The following XKR6 variants were observed in gnomAD, a reference collection of about 807,000 sequenced individuals.
XKR6 encodes XK related 6.
XKR6 carries 22 observed loss-of-function variants against 56.7 expected under a neutral mutation model. The observed-to-expected ratio is 0.39, with a 90% CI of 0.28 to 0.55. The LOEUF (loss-of-function observed/expected upper bound fraction) is 0.55. Ranked by LOEUF, XKR6 falls within the 20% of genes least tolerant of loss-of-function variation. XKR6 has a pLI of 0.66. For synonymous variants in XKR6, 524 were observed against 387.8 expected, an observed-to-expected ratio of 1.35 and a Z score of -4.13; for missense variants, 852 against 889.0, an observed-to-expected ratio of 0.96 and a Z score of 0.53.
chr8:11,140,239 T>C (rs1241766339), intron 1 of XKR6, among the ~76,000 whole-genome samples: 1 of 151,140 alleles, frequency 6.6e-6, no homozygotes, highest in African/African-American at 2.4e-5. Context: ...AAAGCAACAA[T>C]GAAGCAATGG....
intron 1 of XKR6, among the ~76,000 whole-genome samples, chr8:10,956,308 C>T (rs987197029): frequency 8.3e-6 from 1 of 121,022 alleles, no homozygotes; most frequent in Admixed American, 9.1e-5. Context: ...TTACTTTCTG[C>T]CCATCTGAAA....
At chr8:11,097,109 C>A (rs1238169935) in intron 1 of XKR6, among the ~76,000 whole-genome samples, 1 of 152,172 alleles carries the variant, frequency 6.6e-6, no homozygotes, top group African/African-American at 2.4e-5. Context: ...GTAAGTTTGT[C>A]ATCAGCAACA....
At chr8:11,059,512 G>A (rs962727924) in intron 1 of XKR6, among the ~76,000 whole-genome samples, 2 of 151,944 alleles carry the variant, frequency 1.3e-5, no homozygotes, top group Non-Finnish European at 2.9e-5. Flanking sequence ...CTGCGCGGGC[G>A]GCGCCGCTCC....
At chr8:10,977,237 T>G (rs1390426362) in intron 1 of XKR6, among the ~76,000 whole-genome samples, 1 of 151,940 alleles carries the variant, frequency 6.6e-6, no homozygotes, top group Non-Finnish European at 1.5e-5. Context: ...CCAGGAGGGG[T>G]GGCCTGCCTG....
In XKR6 at chr8:10,943,996, C is replaced by G. The variant is rs1586335216; in HGVS notation, c.765-19166G>C. 2.6e-5 allele frequency among the ~76,000 whole-genome samples: 4 copies of G among 152,238 alleles called. No homozygotes were observed. In the South Asian group the frequency reaches 8.3e-4, roughly 32 times the overall value. On this transcript the variant is annotated intron_variant, in intron 1 of 2. Coordinates refer to ENST00000416569, the MANE Select transcript of XKR6 (RefSeq NM_173683.4). ...GTTTCCCACCCCTGGAGGCCTCTCT[C>G]CTCCAATATCCGAGCTCTCCTTACC...
chr8:11,013,389 T>C (rs1798543719), intron 1 of XKR6, among the ~76,000 whole-genome samples: 1 of 152,168 alleles, frequency 6.6e-6, no homozygotes, highest in African/African-American at 2.4e-5. Context: ...ACATGAACCC[T>C]GAGGGCCACA....
chr8:11,195,316 G>A lies in XKR6; in HGVS notation c.764+5260C>T, dbSNP rs1230311966. On this transcript the variant is annotated intron_variant, in intron 1 of 2. Transcript: ENST00000416569. Reference sequence around the variant, plus strand: ...TCTTTTAGCATTTCTGTTTACCTAAGGTAGAGATTCATTTTTTTTTCCAAA... The same window carrying A: ...TCTTTTAGCATTTCTGTTTACCTAAAGTAGAGATTCATTTTTTTTTCCAAA... 4 of 601,092 alleles carry A rather than the reference G, an allele frequency of 6.7e-6. No individual in the cohort carries two copies. The Admixed American group carries it at 9.2e-5, about 14-fold the overall frequency. 37.2% of individuals were successfully genotyped at this position (601,092 alleles called of 1,614,324 possible).
chr8:11,128,496 T>C (rs972164771), intron 1 of XKR6, among the ~76,000 whole-genome samples: 17 of 152,202 alleles, frequency 1.1e-4, no homozygotes, highest in African/African-American at 3.9e-4. Flanking sequence ...AAATGCCTGA[T>C]CTTCCGAATG....
intron 1 of XKR6, among the ~76,000 whole-genome samples, chr8:11,159,389 T>C (rs559758704): frequency 1.3e-5 from 2 of 152,334 alleles, no homozygotes; most frequent in East Asian, 3.9e-4. Context: ...ATGCAGTCTG[T>C]TACGACAGCT....
rs779091217 is a variant in XKR6 at position 11,200,796 on chromosome 8, G to T, written c.544C>A (p.Arg182Ser). 1 of 1,610,488 alleles carries T rather than the reference G, an allele frequency of 6.2e-7. No individual in the cohort carries two copies. The highest frequency in any genetic ancestry group is 1.7e-5 in the Admixed American group (1 of 59,844). The change falls in exon 1 of 3, where the codon CGC becomes AGC. Residue 182 changes from arginine to serine, a missense_variant. By Grantham distance (110) the Arg-to-Ser change is moderately radical. This residue lies in a region of XKR6 where 417 missense variants were observed against 355.2 expected (regional missense o/e 1.17). Transcript: ENST00000416569. This position sits in a 1 kb window ranked among gnomAD's most constrained non-coding sequence, Gnocchi z 6.4. Reference protein sequence around the residue: ...PSLLVQSLSFRWFVQDYTGGG... With the variant: ...PSLLVQSLSFSWFVQDYTGGG... ...CCCGTGTAGTCCTGCACGAACCAGC[G>T]GAAGCTCAGGCTCTGCACCAGCAGC...
In XKR6 at chr8:11,201,035, C is replaced by T. The variant is rs1804197169; in HGVS notation, c.305G>A (p.Gly102Asp). Residue 102 changes from glycine to aspartate, a missense_variant, in exon 1 of 3, where the codon GGC becomes GAC. This residue lies in a region of XKR6 where 417 missense variants were observed against 355.2 expected (regional missense o/e 1.17). Transcript: ENST00000416569. Reference sequence around the variant, plus strand: ...GGGCGTCGGGGGTTGGCGGCCGGCGCCGGGGGCCGCGGGAGGCTGCAGCGG... The same window carrying T: ...GGGCGTCGGGGGTTGGCGGCCGGCGTCGGGGGCCGCGGGAGGCTGCAGCGG... ...DQPLQPPAAP[G>D]AGRQPPTPSA... 9.2e-6 allele frequency: 11 copies of T among 1,202,116 alleles called. No individual in the cohort carries two copies. Among genetic ancestry groups the T allele is most frequent in the Non-Finnish European group, 1.1e-5 (11 of 973,098 alleles). 74.5% of individuals were successfully genotyped at this position (1,202,116 alleles called of 1,614,324 possible). A position where few individuals can be genotyped will look rare whatever the true frequency, so the allele number is the denominator to read the frequency against.
chr8:10,902,690 G>A (rs1586284234), intron 2 of XKR6, among the ~76,000 whole-genome samples: 1 of 152,218 alleles, frequency 6.6e-6, no homozygotes, highest in East Asian at 1.9e-4. Flanking sequence ...GCTCCAAATA[G>A]TGAAAGGAGA....
At chr8:11,073,252 C>A (rs1457202177) in intron 1 of XKR6, among the ~76,000 whole-genome samples, 1 of 152,126 alleles carries the variant, frequency 6.6e-6, no homozygotes, top group East Asian at 1.9e-4. Context: ...CCTCCTGATG[C>A]ATAATAATTA....
At chr8:11,033,376 G>GTAA (rs1563357934) in intron 1 of XKR6, among the ~76,000 whole-genome samples, 2 of 144,892 alleles carry the variant, frequency 1.4e-5, no homozygotes, top group African/African-American at 5.5e-5. Flanking sequence ...GATGGTGATG[G>GTAA]TGGTGGTGAT....
intron 1 of XKR6, among the ~76,000 whole-genome samples, chr8:11,087,738 C>A (rs1797936599): frequency 6.6e-6 from 1 of 152,230 alleles, no homozygotes. Context: ...TATCCAGCAA[C>A]TTCCTGGGGA....
At chr8:11,108,543 G>C in intron 1 of XKR6, 1 of 358,392 alleles carries the variant, frequency 2.8e-6, no homozygotes, top group Non-Finnish European at 5.4e-6. Context: ...TAGGAGGACT[G>C]TGGCTCAGCG....
At chr8:10,946,665 A>G (rs1801553308) in intron 1 of XKR6, among the ~76,000 whole-genome samples, 1 of 152,052 alleles carries the variant, frequency 6.6e-6, no homozygotes, top group African/African-American at 2.4e-5. Flanking sequence ...GTCGTATTCA[A>G]GCACTCAGCA....
At chr8:11,065,397 C>T (rs1342846351) in intron 1 of XKR6, among the ~76,000 whole-genome samples, 4 of 152,306 alleles carry the variant, frequency 2.6e-5, no homozygotes, top group Non-Finnish European at 5.9e-5. Flanking sequence ...CTCCACCATT[C>T]GGTGGCTTCG....
intron 1 of XKR6, among the ~76,000 whole-genome samples, chr8:11,179,177 G>A (rs781748216): frequency 6.6e-6 from 1 of 151,802 alleles, no homozygotes; most frequent in African/African-American, 2.4e-5. Context: ...AATTCATTTT[G>A]ATTGGTTTCG....
Sources: allele counts gnomAD v4.1 joint callset (sites outside exome capture counted in the v4.1 genomes callset), GRCh38; gene constraint gnomAD v4.1.1; regional missense constraint gnomAD v4.1.1; non-coding constraint Gnocchi (gnomAD v3.1); transcripts MANE v1.5; gene names NCBI Gene and HGNC (gene_info 2026-07-23, HGNC 2026-07-21).